NEK7: variants seen among roughly 807,000 people sequenced by gnomAD.
NEK7 encodes serine/threonine-protein kinase Nek7.
Under a neutral mutation model 44.6 loss-of-function variants are expected in NEK7, and 18 were observed. The observed-to-expected ratio is 0.40, with a 90% CI of 0.28 to 0.60. The LOEUF is 0.60. Among genes scored for constraint, NEK7 ranks in the 20% least tolerant of loss-of-function variants. NEK7 has a pLI of 0.38. For synonymous variants in NEK7, 130 were observed against 121.1 expected (o/e 1.07, Z -0.48); for missense variants, 256 against 366.5 (o/e 0.70, Z 2.46).
Position 198,168,170 on chromosome 1 carries a change from A to G in NEK7, c.-29+10894A>G, listed in dbSNP as rs574773836. Reference sequence around the variant, plus strand: ...TCCAGGTGTATTTTTTTATTTTTCAAATGCCAAACATAGGTTCTGACACTT... The same window carrying G: ...TCCAGGTGTATTTTTTTATTTTTCAGATGCCAAACATAGGTTCTGACACTT... On this transcript the variant is annotated intron_variant, in intron 1 of 9. Coordinates refer to ENST00000367385, the MANE Select transcript of NEK7 (RefSeq NM_133494.3). Among the ~76,000 whole-genome samples, 12 of 152,262 alleles carry G rather than the reference A, an allele frequency of 7.9e-5. 1 individual carries two copies. In the South Asian group the frequency reaches 2.5e-3, roughly 32 times the overall value.
At chr1:198,203,106 T>C (rs1665484015) in intron 1 of NEK7, among the ~76,000 whole-genome samples, 1 of 151,100 alleles carries the variant, frequency 6.6e-6, no homozygotes, top group Admixed American at 6.6e-5. Context: ...TGCCAGTAAT[T>C]TCTAAAGTCT....
intron 1 of NEK7, among the ~76,000 whole-genome samples, chr1:198,183,928 C>T (rs980642032): frequency 2.0e-5 from 3 of 151,956 alleles, no homozygotes; most frequent in Non-Finnish European, 4.4e-5. Flanking sequence ...TCCTTTATTC[C>T]GTTTTATCCT....
At chr1:198,237,214 C>T (rs911571550) in intron 2 of NEK7, among the ~76,000 whole-genome samples, 4 of 152,142 alleles carry the variant, frequency 2.6e-5, no homozygotes, top group Non-Finnish European at 5.9e-5. Context: ...GTGGAGTGCC[C>T]CAAGGCTCAG....
chr1:198,308,502 C>G (rs997438927), intron 9 of NEK7, among the ~76,000 whole-genome samples: 1 of 152,098 alleles, frequency 6.6e-6, no homozygotes, highest in Non-Finnish European at 1.5e-5. Flanking sequence ...TTTCAGATAC[C>G]CTGGTGAATA....
At chr1:198,295,869 G>A (rs1228753905) in intron 8 of NEK7, among the ~76,000 whole-genome samples, 1 of 150,762 alleles carries the variant, frequency 6.6e-6, no homozygotes, top group Non-Finnish European at 1.5e-5. Context: ...TCCTCTCAGA[G>A]TGTTTTATAT....
At chr1:198,229,719 C>A (rs554425060) in intron 1 of NEK7, among the ~76,000 whole-genome samples, 1 of 152,274 alleles carries the variant, frequency 6.6e-6, no homozygotes, top group South Asian at 2.1e-4. Flanking sequence ...TGGCTTTTTT[C>A]ACTCTTTTTA....
chr1:198,256,899 A>G (rs1021516921), intron 3 of NEK7, among the ~76,000 whole-genome samples: 1 of 152,150 alleles, frequency 6.6e-6, no homozygotes, highest in South Asian at 2.1e-4. Flanking sequence ...CTATTTTATT[A>G]TATTTTGCTC....
At chr1:198,297,362 T>G (rs575469094) in intron 9 of NEK7, 122 bp downstream of exon 9, 2 of 1,212,192 alleles carry the variant, frequency 1.6e-6, no homozygotes, top group South Asian at 2.7e-5. Flanking sequence ...AACTAGCACT[T>G]TTTAATTCTG....
intron 1 of NEK7, among the ~76,000 whole-genome samples, chr1:198,162,101 C>T (rs1256362956): frequency 6.6e-6 from 1 of 152,146 alleles, no homozygotes; most frequent in Non-Finnish European, 1.5e-5. Flanking sequence ...AGAGGTACTT[C>T]TGACCTTTGC....
At chr1:198,261,035 A>G (rs1653445322) in intron 3 of NEK7, among the ~76,000 whole-genome samples, 1 of 152,030 alleles carries the variant, frequency 6.6e-6, no homozygotes, top group African/African-American at 2.4e-5. Flanking sequence ...GTTGCCTCTT[A>G]TAAGCTGTAA....
chr1:198,215,853 G>GA (rs1665903978), intron 1 of NEK7, among the ~76,000 whole-genome samples: 2 of 151,940 alleles, frequency 1.3e-5, no homozygotes, highest in African/African-American at 2.4e-5. Flanking sequence ...AATTCAACAA[G>GA]AAGATATAAC....
intron 5 of NEK7, among the ~76,000 whole-genome samples, chr1:198,266,918 T>C (rs893779854): frequency 6.6e-6 from 1 of 152,120 alleles, no homozygotes; most frequent in Admixed American, 6.6e-5. Flanking sequence ...TCTTCAAAGT[T>C]GACTTTATTC....
rs1655520516 is a variant in NEK7 at position 198,321,033 on chromosome 1, T to C, written c.*1511T>C. The C allele has an allele frequency of 1.3e-5, 2 of 152,238 alleles. No individual in the cohort carries two copies. Among genetic ancestry groups the C allele is most frequent in the South Asian group, 4.1e-4 (2 of 4,834 alleles). The allele number at this position is 152,238 out of a possible 1,614,324, so 9.4% of individuals were successfully genotyped here. A position where few individuals can be genotyped will look rare whatever the true frequency, so the allele number is the denominator to read the frequency against. On this transcript the variant is annotated 3_prime_UTR_variant, in exon 10 of 10. Coordinates refer to ENST00000367385, the MANE Select transcript of NEK7 (RefSeq NM_133494.3). The stretch of plus-strand genomic sequence containing the variant: ...CACTGTTAAAGGACTCTGTGCCATC[T>C]TACAACCTTGGATGAATTATCCTGC...
intron 1 of NEK7, among the ~76,000 whole-genome samples, chr1:198,224,998 C>G (rs1050419890): frequency 2.6e-5 from 4 of 151,956 alleles, no homozygotes; most frequent in Non-Finnish European, 5.9e-5. Flanking sequence ...AGGATAGATA[C>G]CTGCAGTGAA....
chr1:198,160,806 A>G (rs763930940), intron 1 of NEK7, among the ~76,000 whole-genome samples: 9 of 152,230 alleles, frequency 5.9e-5, no homozygotes, highest in Non-Finnish European at 8.8e-5. Context: ...ATACAATTCA[A>G]TCTCAGAGTT....
At chr1:198,231,519 A>G (rs1308139120) in intron 1 of NEK7, among the ~76,000 whole-genome samples, 1 of 151,538 alleles carries the variant, frequency 6.6e-6, no homozygotes, top group Non-Finnish European at 1.5e-5. Context: ...TCTAAATATT[A>G]AAGGTTAAAA....
intron 5 of NEK7, 170 bp from the exon 6 acceptor site, chr1:198,277,791 A>G (rs1654060928): frequency 7.2e-6 from 4 of 556,446 alleles, no homozygotes; most frequent in South Asian, 4.7e-5. Flanking sequence ...AACTTAAGCC[A>G]TTATGTCAGA....
chr1:198,295,843 G>T (rs1654703258), intron 8 of NEK7, among the ~76,000 whole-genome samples: 1 of 146,210 alleles, frequency 6.8e-6, no homozygotes, highest in Non-Finnish European at 1.5e-5. Context: ...TTATTATTGT[G>T]GTTCTTTTAG....
At chr1:198,252,528 C>A (rs893547858) in intron 2 of NEK7, among the ~76,000 whole-genome samples, 8 of 32,696 alleles carry the variant, frequency 2.4e-4, no homozygotes, top group East Asian at 4.0e-3. Context: ...ATCTCACATA[C>A]TATATATATA....
Sources: allele counts gnomAD v4.1 joint callset (sites outside exome capture counted in the v4.1 genomes callset), GRCh38; gene constraint gnomAD v4.1.1; transcripts MANE v1.5; gene names NCBI Gene and HGNC (gene_info 2026-07-23, HGNC 2026-07-21).